The following PRKN variants were observed in gnomAD, a reference collection of about 807,000 sequenced individuals.
PRKN encodes the protein parkin RBR E3 ubiquitin protein ligase.
Under a neutral mutation model 59.5 loss-of-function variants are expected in PRKN, and 56 were observed. The ratio of observed to expected loss-of-function variants is 0.94; its 90% CI spans 0.76 to 1.18. The LOEUF (loss-of-function observed/expected upper bound fraction) is 1.18. Ranked by LOEUF, PRKN falls within the 50% of genes most tolerant of loss-of-function variation. The pLI, the probability that PRKN is intolerant of heterozygous loss-of-function variation, is 0.00. For missense variants in PRKN, 657 were observed against 596.4 expected (o/e 1.10, Z -1.06); for synonymous variants, 250 against 222.1 (o/e 1.13, Z -1.12).
chr6:161,572,660 CAATAAATAAATA>C (rs10674600), intron 7 of PRKN, among the ~76,000 whole-genome samples: 1 of 149,808 alleles, frequency 6.7e-6, no homozygotes, highest in Admixed American at 6.6e-5. Context: ...GACTCTGTCT[CAATAAATAAATA>C]AATAAATAAA....
At chr6:162,336,691 T>C (rs6911138) in intron 2 of PRKN, among the ~76,000 whole-genome samples, 1 of 152,088 alleles carries the variant, frequency 6.6e-6, no homozygotes, top group African/African-American at 2.4e-5. Flanking sequence ...AAAGACAAAT[T>C]AATCTCCACA....
chr6:162,027,381 G>T (rs927946839), intron 5 of PRKN, among the ~76,000 whole-genome samples: 1 of 152,124 alleles, frequency 6.6e-6, no homozygotes, highest in African/African-American at 2.4e-5. Context: ...AACCATGTTT[G>T]TGGTCCCTCT....
In PRKN at chr6:161,848,785, C is replaced by T. The variant is rs772097963; in HGVS notation, c.735-62877G>A. Among the ~76,000 whole-genome samples the T allele has an allele frequency of 2.8e-4, 43 of 152,144 alleles. 1 individual carries two copies. The highest frequency in any genetic ancestry group is 5.1e-4 in the Non-Finnish European group (35 of 68,040). Reference sequence around the variant, plus strand: ...TCCAGACCATAGAGGATATGTGAAACGATACATGCACGCTAAGCTGAAGAT... The same window carrying T: ...TCCAGACCATAGAGGATATGTGAAATGATACATGCACGCTAAGCTGAAGAT... On this transcript the variant is annotated intron_variant, in intron 6 of 11. Coordinates refer to ENST00000366898, the MANE Select transcript of PRKN (RefSeq NM_004562.3).
chr6:162,192,903 A>ATC (rs1375704719), intron 4 of PRKN, among the ~76,000 whole-genome samples: 1 of 152,140 alleles, frequency 6.6e-6, no homozygotes, highest in Non-Finnish European at 1.5e-5. Flanking sequence ...GTATGTTCCC[A>ATC]TCTCTCCAGG....
At position 161,440,040 on chromosome 6, in the gene PRKN, T is replaced by C. The variant is rs191518506; in HGVS notation, c.1084-53163A>G. On this transcript the variant is annotated intron_variant, in intron 9 of 11. Transcript: ENST00000366898. This position sits in a 1 kb window ranked among gnomAD's most constrained non-coding sequence, Gnocchi z 4.1. ...ATCTCGGCTCACTGCAAGCTCCACC[T>C]CCCGGGTTCATGCTACTCTCCTGCC... 2.2e-3 allele frequency among the ~76,000 whole-genome samples: 331 copies of C among 151,348 alleles called. 7 individuals carry two copies. In the East Asian group the frequency reaches 0.047, roughly 21 times the overall value.
At chr6:162,606,252 G>T (rs1162053515) in intron 1 of PRKN, among the ~76,000 whole-genome samples, 1 of 152,152 alleles carries the variant, frequency 6.6e-6, no homozygotes, top group Non-Finnish European at 1.5e-5. Flanking sequence ...ACCCTAAGTT[G>T]AAAGTGAATT....
chr6:162,135,119 TAA>T (rs1296883134), intron 4 of PRKN, among the ~76,000 whole-genome samples: 1 of 152,126 alleles, frequency 6.6e-6, no homozygotes, highest in Non-Finnish European at 1.5e-5. Context: ...TAGGGAATAA[TAA>T]AATATTAGTT....
intron 6 of PRKN, among the ~76,000 whole-genome samples, chr6:161,919,849 T>C (rs1778711941): frequency 6.6e-6 from 1 of 152,188 alleles, no homozygotes; most frequent in Admixed American, 6.5e-5. Context: ...ACAGGTAAAG[T>C]TGAAAAATCA....
intron 7 of PRKN, among the ~76,000 whole-genome samples, chr6:161,728,904 C>A (rs910006841): frequency 6.6e-6 from 1 of 152,226 alleles, no homozygotes; most frequent in African/African-American, 2.4e-5. Context: ...TCTTCTTACG[C>A]AGTGACCCCT....
At chr6:161,768,889 T>C (rs973004697) in intron 7 of PRKN, among the ~76,000 whole-genome samples, 8 of 152,198 alleles carry the variant, frequency 5.3e-5, no homozygotes, top group Non-Finnish European at 1.2e-4. Context: ...AGAAAAATAA[T>C]ACAGAGTGGT....
intron 1 of PRKN, among the ~76,000 whole-genome samples, chr6:162,590,121 G>A (rs1007560105): frequency 2.6e-5 from 4 of 152,166 alleles, no homozygotes; most frequent in Non-Finnish European, 4.4e-5. Flanking sequence ...AGTGCCAGAT[G>A]TCTTTATCTT....
chr6:161,853,539 C>T lies in PRKN; in HGVS notation c.735-67631G>A, dbSNP rs560166258. On this transcript the variant is annotated intron_variant, in intron 6 of 11. Coordinates refer to ENST00000366898, the MANE Select transcript of PRKN (RefSeq NM_004562.3). ...GCTTTTATCTAAAGTATATGAGAGA[C>T]TTACACCAAGCACTAAACTGAAATT... Among the ~76,000 whole-genome samples the T allele has an allele frequency of 4.6e-5, 7 of 152,286 alleles. No homozygotes were observed. In the South Asian group the frequency reaches 1.2e-3, roughly 27 times the overall value.
chr6:161,787,414 C>A (rs1790464743), intron 6 of PRKN, among the ~76,000 whole-genome samples: 1 of 152,158 alleles, frequency 6.6e-6, no homozygotes, highest in African/African-American at 2.4e-5. Context: ...CTATTTCTAA[C>A]CAAACAGTCA....
At chr6:162,169,334 A>G (rs1225549217) in intron 4 of PRKN, among the ~76,000 whole-genome samples, 1 of 152,200 alleles carries the variant, frequency 6.6e-6, no homozygotes, top group African/African-American at 2.4e-5. Context: ...TGAAAGAATT[A>G]GACCAATTGA....
At chr6:161,443,977 G>A (rs1194538008) in intron 9 of PRKN, among the ~76,000 whole-genome samples, 1 of 152,226 alleles carries the variant, frequency 6.6e-6, no homozygotes, top group African/African-American at 2.4e-5. Context: ...CAGCCTGTTA[G>A]CATTTAATTT....
chr6:161,842,979 C>T (rs1161612933), intron 6 of PRKN, among the ~76,000 whole-genome samples: 1 of 152,154 alleles, frequency 6.6e-6, no homozygotes, highest in African/African-American at 2.4e-5. Context: ...CTGAAACGAA[C>T]TTTCATCTTT....
chr6:162,026,634 A>G (rs1225098505), intron 5 of PRKN, among the ~76,000 whole-genome samples: 1 of 152,130 alleles, frequency 6.6e-6, no homozygotes, highest in African/African-American at 2.4e-5. Flanking sequence ...AGCTCCCTAA[A>G]GGCATCTTAA....
At chr6:162,718,144 C>T (rs1778797661) in intron 1 of PRKN, among the ~76,000 whole-genome samples, 1 of 152,106 alleles carries the variant, frequency 6.6e-6, no homozygotes, top group Non-Finnish European at 1.5e-5. Flanking sequence ...TAAGAACTCA[C>T]ACATATTTGT....
At chr6:162,224,352 G>A (rs937394498) in intron 3 of PRKN, among the ~76,000 whole-genome samples, 2 of 152,114 alleles carry the variant, frequency 1.3e-5, no homozygotes, top group African/African-American at 4.8e-5. Context: ...GTCCATTCAC[G>A]TGCTGTACAG....
Sources: allele counts gnomAD v4.1 joint callset (sites outside exome capture counted in the v4.1 genomes callset), GRCh38; gene constraint gnomAD v4.1.1; non-coding constraint Gnocchi (gnomAD v3.1); transcripts MANE v1.5; gene names NCBI Gene and HGNC (gene_info 2026-07-23, HGNC 2026-07-21).